The following MAP4K3 variants were observed in gnomAD, a reference collection of about 807,000 sequenced individuals.
MAP4K3 encodes MAPK/ERK kinase kinase kinase 3.
MAP4K3 carries 94 observed loss-of-function variants against 143.5 expected under a neutral mutation model. The observed-to-expected ratio is 0.65, with a 90% CI of 0.55 to 0.78. The LOEUF is 0.78. Ranked by LOEUF, MAP4K3 falls within the 30% of genes least tolerant of loss-of-function variation. MAP4K3 has a pLI of 0.00. For missense variants in MAP4K3, 1,077 were observed against 1,068.1 expected (o/e 1.01, Z -0.12); for synonymous variants, 416 against 347.2 (o/e 1.20, Z -2.20).
intron 15 of MAP4K3, among the ~76,000 whole-genome samples, chr2:39,302,588 T>C (rs1468361343): frequency 2.0e-5 from 3 of 152,332 alleles, no homozygotes; most frequent in East Asian, 3.9e-4. Context: ...AGTTATTCCA[T>C]ATCAGAAAAA....
intron 1 of MAP4K3, among the ~76,000 whole-genome samples, chr2:39,431,673 A>T: frequency 6.6e-6 from 1 of 152,236 alleles, no homozygotes; most frequent in Non-Finnish European, 1.5e-5. Flanking sequence ...ACCCTGAGGC[A>T]AAGCATGAGG....
At chr2:39,256,450 TA>T (rs897682748) in intron 31 of MAP4K3, among the ~76,000 whole-genome samples, 1 of 152,004 alleles carries the variant, frequency 6.6e-6, no homozygotes, top group Non-Finnish European at 1.5e-5. Flanking sequence ...AAGTATTATT[TA>T]AAAAAAATCA....
At chr2:39,345,543 A>C (rs961765177) in intron 3 of MAP4K3, among the ~76,000 whole-genome samples, 16 of 152,208 alleles carry the variant, frequency 1.1e-4, no homozygotes, top group Non-Finnish European at 2.1e-4. Flanking sequence ...GCATACAAAA[A>C]GAAAGCACAA....
At chr2:39,279,218 A>C (rs1681403008) in intron 23 of MAP4K3, among the ~76,000 whole-genome samples, 1 of 152,206 alleles carries the variant, frequency 6.6e-6, no homozygotes, top group Non-Finnish European at 1.5e-5. Context: ...GGCTAAACTG[A>C]AGTACGCTGA....
intron 3 of MAP4K3, among the ~76,000 whole-genome samples, chr2:39,351,950 C>A (rs542586982): frequency 5.3e-5 from 8 of 152,234 alleles, no homozygotes; most frequent in Non-Finnish European, 8.8e-5. Context: ...GGATTACAGG[C>A]ATGAGCCACC....
chr2:39,302,488 T>C (rs1354242898), intron 15 of MAP4K3, among the ~76,000 whole-genome samples: 1 of 152,128 alleles, frequency 6.6e-6, no homozygotes, highest in African/African-American at 2.4e-5. Flanking sequence ...GGAACAAAAG[T>C]GAAACCAGGG....
At chr2:39,430,468 A>C (rs1175933633) in intron 1 of MAP4K3, among the ~76,000 whole-genome samples, 1 of 152,174 alleles carries the variant, frequency 6.6e-6, no homozygotes, top group Non-Finnish European at 1.5e-5. Flanking sequence ...GACTAAAAAA[A>C]ACCTAAAGCA....
chr2:39,275,406 C>A (rs1482496332), intron 24 of MAP4K3, among the ~76,000 whole-genome samples: 1 of 152,128 alleles, frequency 6.6e-6, no homozygotes. Context: ...CACTTGAGCC[C>A]AGGAGGTCAA....
intron 3 of MAP4K3, among the ~76,000 whole-genome samples, chr2:39,351,387 GTC>G (rs1278016516): frequency 6.6e-6 from 1 of 152,210 alleles, no homozygotes; most frequent in East Asian, 1.9e-4. Flanking sequence ...AAATCAGAGA[GTC>G]TATCATCCTT....
chr2:39,337,427 C>A, intron 5 of MAP4K3, 99 bp downstream of exon 5: 1 of 792,432 alleles, frequency 1.3e-6, no homozygotes, highest in Non-Finnish European at 2.1e-6. Flanking sequence ...GTTTACCAAA[C>A]TAAAATATTT....
intron 21 of MAP4K3, among the ~76,000 whole-genome samples, chr2:39,283,059 C>A (rs1252664302): frequency 6.6e-6 from 1 of 152,162 alleles, no homozygotes; most frequent in East Asian, 1.9e-4. Flanking sequence ...CAATATTTTA[C>A]TAGAACACAG....
chr2:39,266,518 T>TA (rs1426314832), intron 27 of MAP4K3, among the ~76,000 whole-genome samples: 10 of 152,200 alleles, frequency 6.6e-5, no homozygotes, highest in Admixed American at 6.5e-4. Flanking sequence ...CTCCACATGT[T>TA]ATGTCATTTC....
chr2:39,387,122 T>G (rs1021347364), intron 1 of MAP4K3, among the ~76,000 whole-genome samples: 1 of 152,166 alleles, frequency 6.6e-6, no homozygotes, highest in Admixed American at 6.5e-5. Flanking sequence ...CGGCCGATTA[T>G]TGTAGTTTTA....
intron 15 of MAP4K3, among the ~76,000 whole-genome samples, chr2:39,301,754 T>C (rs1308039165): frequency 6.6e-6 from 1 of 152,210 alleles, no homozygotes; most frequent in Admixed American, 6.5e-5. Flanking sequence ...CCGGGCGCAG[T>C]GGCTCACACC....
At chr2:39,346,181 C>A (rs1381911310) in intron 3 of MAP4K3, among the ~76,000 whole-genome samples, 1 of 152,148 alleles carries the variant, frequency 6.6e-6, no homozygotes, top group Non-Finnish European at 1.5e-5. Flanking sequence ...TTCTAATCCC[C>A]CAGAGAATGT....
chr2:39,356,004 C>A (rs143035782), intron 3 of MAP4K3, among the ~76,000 whole-genome samples: 1 of 152,146 alleles, frequency 6.6e-6, no homozygotes, highest in Admixed American at 6.5e-5. Flanking sequence ...GAAGACTAAC[C>A]GTAAGGTTTT....
rs73923849 is a variant in MAP4K3 at position 39,333,507 on chromosome 2, C to G, written c.457+25G>C. On this transcript the variant is annotated intron_variant, in intron 7 of 33. Coordinates refer to ENST00000263881, the MANE Select transcript of MAP4K3 (RefSeq NM_003618.4). The stretch of plus-strand genomic sequence containing the variant: ...CTATATCTTAGAATAGATTTGTGCA[C>G]GTGACAAAATTCCAATTTACTTACC... The G allele has an allele frequency of 3.8e-6, 6 of 1,573,378 alleles. No individual in the cohort carries two copies. The African/African-American group carries it at 5.4e-5, about 14-fold the overall frequency.
Position 39,369,205 on chromosome 2 carries a change from G to GTTTTTT in MAP4K3, c.154+8855_154+8860dup, listed in dbSNP as rs68013609. Among the ~76,000 whole-genome samples the GTTTTTT allele has an allele frequency of 1.7e-4, 21 of 125,358 alleles. No homozygotes were observed. In the South Asian group the frequency reaches 3.7e-3, roughly 22 times the overall value. 82.2% of individuals were successfully genotyped at this position (125,358 alleles called of 152,430 possible). On this transcript the variant is annotated intron_variant, in intron 2 of 33. Coordinates refer to ENST00000263881, the MANE Select transcript of MAP4K3 (RefSeq NM_003618.4). The stretch of plus-strand genomic sequence containing the variant: ...AACCTTTGGGCTAGTTTTTTTTTTT[G>GTTTTTT]TTTTTTTTGAGATGCAGTTTTGCTC...
intron 2 of MAP4K3, among the ~76,000 whole-genome samples, chr2:39,366,718 T>C (rs1573204700): frequency 6.6e-6 from 1 of 152,212 alleles, no homozygotes; most frequent in East Asian, 1.9e-4. Context: ...CCAACTTCTC[T>C]TAAGTTGTCA....
Sources: allele counts gnomAD v4.1 joint callset (sites outside exome capture counted in the v4.1 genomes callset), GRCh38; gene constraint gnomAD v4.1.1; transcripts MANE v1.5; gene names NCBI Gene and HGNC (gene_info 2026-07-23, HGNC 2026-07-21).